The following COL16A1 variants were observed in gnomAD, a reference collection of about 807,000 sequenced individuals.
COL16A1 encodes collagen type XVI alpha 1 chain.
Under a neutral mutation model 266.3 loss-of-function variants are expected in COL16A1, and 189 were observed. The observed-to-expected ratio is 0.71, with a 90% CI of 0.63 to 0.80. The LOEUF (loss-of-function observed/expected upper bound fraction) is 0.80, where lower values mean the gene tolerates loss of function less well. Among genes scored for constraint, COL16A1 ranks in the 30% least tolerant of loss-of-function variants. The pLI is 0.00. For missense variants in COL16A1, 1,928 were observed against 2,122.4 expected (o/e 0.91, Z 1.80); for synonymous variants, 740 against 782.3 (o/e 0.95, Z 0.90).
intron 23 of COL16A1, 79 bp downstream of exon 23, chr1:31,689,662 C>T: frequency 8.5e-7 from 1 of 1,174,002 alleles, no homozygotes; most frequent in Non-Finnish European, 1.3e-6. Flanking sequence ...CCCCTCTGCC[C>T]AATTCCTCTC....
Position 31,670,288 on chromosome 1 carries a change from G to A in COL16A1, c.3195+314C>T, listed in dbSNP as rs1570422107. 3 of 338,324 alleles carry A rather than the reference G, an allele frequency of 8.9e-6. No homozygotes were observed. Among genetic ancestry groups the A allele is most frequent in the Non-Finnish European group, 1.6e-5 (3 of 188,412 alleles). The allele number at this position is 338,324 out of a possible 1,614,324, so 21.0% of individuals were successfully genotyped here. On this transcript the variant is annotated intron_variant, in intron 49 of 70. Transcript: ENST00000373672. The surrounding 1 kb of genome is among the most constrained non-coding windows in gnomAD (Gnocchi z 4.5). ...ACCAGCTTAAGAGGAAGGTTCACGA[G>A]CTCAGGAGGACTTGGGGGAGTGCTG...
Position 31,692,784 on chromosome 1 carries a change from G to T in COL16A1, c.1096C>A (p.Pro366Thr). Reference protein sequence around the residue: ...ARGNDCVRISPDAPLQCAEGP... With the variant: ...ARGNDCVRISTDAPLQCAEGP... ...AGTCTTACCTGAAGTGGGGCATCCG[G>T]GGAGATTCGAACACAGTCATTGCCC... The change falls in exon 14 of 71, where the codon CCG (proline) becomes ACG (threonine). Residue 366 changes from proline to threonine, a missense_variant. Pro to Thr is a conservative substitution (Grantham distance 38). Transcript: ENST00000373672. 2 of 1,613,908 alleles carry T rather than the reference G, an allele frequency of 1.2e-6. No individual in the cohort carries two copies. The highest frequency in any genetic ancestry group is 1.7e-6 in the Non-Finnish European group (2 of 1,179,810).
In COL16A1 at chr1:31,688,566, G is replaced by C. The variant is rs1190020637; in HGVS notation, c.1768-64C>G. The C allele has an allele frequency of 4.4e-6, 7 of 1,598,410 alleles. No homozygotes were observed. The highest frequency in any genetic ancestry group is 6.0e-6 in the Non-Finnish European group (7 of 1,166,008). ...CTCCCACCTCTCCAAGGCTCCCCGG[G>C]TCCCAGTGTCCAACCAGAAACAGAA... On this transcript the variant is annotated intron_variant, in intron 25 of 70. Transcript: ENST00000373672. The surrounding 1 kb of genome is among the most constrained non-coding windows in gnomAD (Gnocchi z 4.9).
At position 31,656,406 on chromosome 1, in the gene COL16A1, A is replaced by C; in HGVS notation, c.4095T>G (p.Gly1365=). 6.2e-7 allele frequency: 1 copy of C among 1,613,498 alleles called. No individual in the cohort carries two copies. Among genetic ancestry groups the C allele is most frequent in the South Asian group, 1.1e-5 (1 of 90,902 alleles). The change falls in exon 66 of 71, where the codon GGT becomes GGG. Residue 1365 remains glycine, a synonymous_variant. Coordinates refer to ENST00000373672, the MANE Select transcript of COL16A1 (RefSeq NM_001856.4). The surrounding 1 kb of genome is among the most constrained non-coding windows in gnomAD (Gnocchi z 4.2). ...CCAGCCAGTGCCCACTCACCTTGGG[A>C]CCAGGAGGTCCATAGAATCCCTGCT... The part of the protein sequence containing the change: ...PGKQGFYGPP[G]PKGDPGAAGQ...
At position 31,656,393 on chromosome 1, in the gene COL16A1, C is replaced by T. The variant is rs1641149930; in HGVS notation, c.4101+7G>A. 6.2e-7 allele frequency: 1 copy of T among 1,613,282 alleles called. No individual in the cohort carries two copies. Among genetic ancestry groups the T allele is most frequent in the African/African-American group, 1.3e-5 (1 of 74,908 alleles). ...TCTCCTCTCAAGCCCAGCCAGTGCC[C>T]ACTCACCTTGGGACCAGGAGGTCCA... On this transcript the variant is annotated splice_region_variant and intron_variant, in intron 66 of 70. Transcript: ENST00000373672. The surrounding 1 kb of genome is among the most constrained non-coding windows in gnomAD (Gnocchi z 4.2).
rs142793401 is a variant in COL16A1 at position 31,656,584 on chromosome 1, G to A, written c.4057-140C>T. On this transcript the variant is annotated intron_variant, in intron 65 of 70. Transcript: ENST00000373672. This position sits in a 1 kb window ranked among gnomAD's most constrained non-coding sequence, Gnocchi z 4.2. ...GCCCAGCTCTGTGTGAGAAAGGAGCGCAGCCTCCCTGCCCAGCTGGAAGGG... is the reference window on the plus strand; with the variant it reads ...GCCCAGCTCTGTGTGAGAAAGGAGCACAGCCTCCCTGCCCAGCTGGAAGGG... The A allele has an allele frequency of 3.0e-3, 3,939 of 1,334,354 alleles. 107 individuals are homozygous for A. The East Asian group carries it at 0.072, about 24-fold the overall frequency. 82.7% of individuals were successfully genotyped at this position (1,334,354 alleles called of 1,614,324 possible). A position where few individuals can be genotyped will look rare whatever the true frequency, so the allele number is the denominator to read the frequency against.
chr1:31,665,694 C>CGG (rs368197531), intron 54 of COL16A1, 76 bp from the exon 55 acceptor site: 37,235 of 1,590,418 alleles, frequency 0.023, 439 homozygotes, highest in Middle Eastern at 0.043. Context: ...GAAAGAGTGA[C>CGG]GGGGGGGGCA....
chr1:31,679,438 G>A, intron 42 of COL16A1, 194 bp downstream of exon 42: 5 of 1,589,584 alleles, frequency 3.1e-6, no homozygotes, highest in Admixed American at 1.8e-5. Context: ...AACAGTGCTG[G>A]GAGTGCAGAG....
chr1:31,690,240 A>C (rs1028143022), intron 22 of COL16A1, 127 bp downstream of exon 22: 2 of 1,428,690 alleles, frequency 1.4e-6, no homozygotes, highest in African/African-American at 2.8e-5. Context: ...CATCAGAGGA[A>C]GAACGGGTGG....
At chr1:31,679,136 T>C in intron 42 of COL16A1, 1 of 330,026 alleles carries the variant, frequency 3.0e-6, no homozygotes, top group Non-Finnish European at 5.5e-6. Context: ...TTCTCCTTAG[T>C]ATGTATCACT....
chr1:31,692,831 C>T (rs1644333748), intron 13 of COL16A1, 23 bp from the exon 14 acceptor site: 1 of 1,612,104 alleles, frequency 6.2e-7, no homozygotes, highest in Non-Finnish European at 8.5e-7. Flanking sequence ...AACAAGGGAT[C>T]AGGGGTGGGA....
At chr1:31,654,697 C>T (rs1640948654) in intron 68 of COL16A1, 95 bp downstream of exon 68, 1 of 1,604,004 alleles carries the variant, frequency 6.2e-7, no homozygotes, top group South Asian at 1.1e-5. Context: ...AGCAGGAGGA[C>T]ATTGAGCGTT....
At chr1:31,692,549 C>T (rs1307706212) in intron 15 of COL16A1, 40 bp from the exon 16 acceptor site, 1 of 1,613,946 alleles carries the variant, frequency 6.2e-7, no homozygotes, top group Non-Finnish European at 8.5e-7. Context: ...GAGGGTAAGG[C>T]TGGGCCCTGG....
rs992313643 is a variant in COL16A1, at chr1:31,684,147, C to G, written c.2245G>C (p.Glu749Gln). The part of the protein sequence containing the change: ...GRPGQPGPKG[E>Q]QGPEGVGRPG... ...CGGCCCACGCCTTCGGGGCCCTGCT[C>G]TCCTTTGGGGCCGGGCTGCCCAGGC... The change falls in exon 32 of 71, where the codon GAG (glutamate) becomes CAG (glutamine). Residue 749 changes from glutamate to glutamine, a missense_variant. Coordinates refer to ENST00000373672, the MANE Select transcript of COL16A1 (RefSeq NM_001856.4). 6.4e-7 allele frequency: 1 copy of G among 1,554,304 alleles called. No individual in the cohort carries two copies.
chr1:31,653,499 CGTT>C, intron 70 of COL16A1, 97 bp downstream of exon 70: 1 of 1,372,978 alleles, frequency 7.3e-7, no homozygotes, highest in Non-Finnish European at 9.9e-7. Flanking sequence ...ACTGGCCTGT[CGTT>C]ATTTGGAGTT....
chr1:31,682,907 C>T (rs1378096579), intron 37 of COL16A1, 27 bp downstream of exon 37: 1 of 1,613,382 alleles, frequency 6.2e-7, no homozygotes, highest in Non-Finnish European at 8.5e-7. Context: ...AGCAACACCA[C>T]CAGCATGGAG....
At position 31,657,106 on chromosome 1, in the gene COL16A1, A is replaced by C; in HGVS notation, c.4021-38T>G. On this transcript the variant is annotated intron_variant, in intron 64 of 70. Transcript: ENST00000373672. This position sits in a 1 kb window ranked among gnomAD's most constrained non-coding sequence, Gnocchi z 6.4. ...GAGCAATGGAGACATGAGGAGCTCC[A>C]ACCCAGTTTGGTGTCAGATGCCTCA... 2 of 1,614,110 alleles carry C rather than the reference A, an allele frequency of 1.2e-6. No individual in the cohort carries two copies. The highest frequency in any genetic ancestry group is 2.2e-5 in the South Asian group (2 of 91,078).
chr1:31,662,880 C>T, intron 56 of COL16A1: 1 of 596,722 alleles, frequency 1.7e-6, no homozygotes, highest in Non-Finnish European at 3.0e-6. Context: ...TTCCTTGCTG[C>T]CCCATGAGGA....
At chr1:31,666,433 G>T in intron 52 of COL16A1, 2 of 304,826 alleles carry the variant, frequency 6.6e-6, no homozygotes, top group Non-Finnish European at 6.1e-6. Flanking sequence ...TGGTCTTTGA[G>T]GCAGCCTGTG....
Sources: gnomAD v4.1 joint callset for allele counts on GRCh38, gnomAD v4.1.1 for gene constraint, Gnocchi (gnomAD v3.1) non-coding constraint, MANE v1.5 for transcripts, NCBI Gene and HGNC (gene_info 2026-07-23, HGNC 2026-07-21) for gene names.